Variants in SLC25A46 observed in about 807,000 individuals in gnomAD.
The protein encoded by SLC25A46 is solute carrier family 25 member 46.
A neutral mutation model predicts 44.6 loss-of-function variants in SLC25A46; 39 were observed. That is an observed-to-expected ratio of 0.87 (90% CI 0.68 to 1.14). The LOEUF (loss-of-function observed/expected upper bound fraction) is 1.14. Among genes scored for constraint, SLC25A46 ranks in the 50% most tolerant of loss-of-function variants. The pLI is 0.00. For synonymous variants in SLC25A46, 202 were observed against 185.8 expected, an observed-to-expected ratio of 1.09 and a Z score of -0.71; for missense variants, 547 against 522.7, an observed-to-expected ratio of 1.05 and a Z score of -0.45.
intron 5 of SLC25A46, chr5:110,755,178 T>A (rs1800076235): frequency 4.6e-6 from 1 of 217,474 alleles, no homozygotes; most frequent in Non-Finnish European, 9.0e-6. Flanking sequence ...ATCATCTTAA[T>A]TTTCTTCCTT....
At chr5:110,748,019 A>G (rs1314218841) in intron 4 of SLC25A46, 144 bp from the exon 5 acceptor site, 3 of 575,394 alleles carry the variant, frequency 5.2e-6, no homozygotes, top group Non-Finnish European at 9.2e-6. Context: ...AAAATGATAT[A>G]AAATTAATTG....
In SLC25A46 at chr5:110,745,592, ATTTGTTAGCTG is replaced by A. The variant is rs1291919998; in HGVS notation, c.385-674_385-664del. The A allele has an allele frequency of 2.0e-5, 3 of 152,252 alleles. No homozygotes were observed. In the East Asian group the frequency reaches 5.8e-4, roughly 29 times the overall value. The allele number at this position is 152,252 out of a possible 1,614,324, so 9.4% of individuals were successfully genotyped here. A position where few individuals can be genotyped will look rare whatever the true frequency, so the allele number is the denominator to read the frequency against. On this transcript the variant is annotated intron_variant, in intron 3 of 7. Coordinates refer to ENST00000355943, the MANE Select transcript of SLC25A46 (RefSeq NM_138773.4). ...TTCTCTGTAAAGTAATGCTTCCTGTATTTGTTAGCTGTTAGAGTTCAAAACAGTATAAATCA... is the reference window on the plus strand; with the variant it reads ...TTCTCTGTAAAGTAATGCTTCCTGTATTAGAGTTCAAAACAGTATAAATCA...
At position 110,761,292 on chromosome 5, in the gene SLC25A46, A is replaced by G. The variant is rs141213807; in HGVS notation, c.767A>G (p.Lys256Arg). Residue 256 changes from lysine (K) to arginine (R), a missense_variant, in exon 8 of 8, where the codon AAA becomes AGA. Lys to Arg is a conservative substitution (Grantham distance 26, BLOSUM62 2). Coordinates refer to ENST00000355943, the MANE Select transcript of SLC25A46 (RefSeq NM_138773.4). The surrounding 1 kb of genome is among the most constrained non-coding windows in gnomAD (Gnocchi z 5.3). ...ATAGGCATGGGAGTGCCTCATAGCA[A>G]ACGACTTCTTCCGCTTCTTTCCTTG... ...RVIGMGVPHSKRLLPLLSLIF... is the reference protein window; with the variant it reads ...RVIGMGVPHSRRLLPLLSLIF... 3,893 of 1,613,730 alleles carry G rather than the reference A, an allele frequency of 2.4e-3. 15 individuals are homozygous for G. The highest frequency in any genetic ancestry group is 5.9e-3 in the Middle Eastern group (36 of 6,058).
At chr5:110,759,659 G>T (rs1800199065) in intron 7 of SLC25A46, among the ~76,000 whole-genome samples, 1 of 152,126 alleles carries the variant, frequency 6.6e-6, no homozygotes, top group Admixed American at 6.6e-5. Context: ...AGATTACATA[G>T]GACATTGTAA....
chr5:110,747,987 T>C (rs1490378733), intron 4 of SLC25A46, among the ~76,000 whole-genome samples, 176 bp from the exon 5 acceptor site: 3 of 152,210 alleles, frequency 2.0e-5, no homozygotes, highest in Non-Finnish European at 2.9e-5. Flanking sequence ...AGGAATGTTC[T>C]TCTTGGCCTA....
chr5:110,747,732 T>C (rs1480589015), intron 4 of SLC25A46, among the ~76,000 whole-genome samples: 2 of 152,062 alleles, frequency 1.3e-5, no homozygotes, highest in African/African-American at 4.8e-5. Context: ...AAGAGTGAGA[T>C]AAAAATGTTT....
intron 7 of SLC25A46, among the ~76,000 whole-genome samples, chr5:110,757,958 T>C (rs1231802820): frequency 2.0e-5 from 3 of 152,182 alleles, no homozygotes; most frequent in African/African-American, 7.2e-5. Context: ...TTGTGAATAG[T>C]ATTTTAATAA....
Position 110,739,263 on chromosome 5 carries a change from T to A in SLC25A46, c.144T>A (p.Asp48Glu). 1 of 1,582,900 alleles carries A rather than the reference T, an allele frequency of 6.3e-7. No individual in the cohort carries two copies. Among genetic ancestry groups the A allele is most frequent in the Middle Eastern group, 1.7e-4 (1 of 6,030 alleles). ...DLGHWVTTPP[D>E]IPGSRNLHWG... The stretch of plus-strand genomic sequence containing the variant: ...GCCACTGGGTGACGACTCCCCCAGA[T>A]ATCCCCGGCAGCCGCAACCTGCACT... The change falls in exon 1 of 8, where the codon GAT becomes GAA. Residue 48 changes from aspartate to glutamate, a missense_variant. By Grantham distance (45) the Asp-to-Glu change is conservative. Coordinates refer to ENST00000355943, the MANE Select transcript of SLC25A46 (RefSeq NM_138773.4).
At chr5:110,738,737 C>A, upstream of SLC25A46, 1 of 264,328 alleles carries the variant, frequency 3.8e-6, no homozygotes, top group Non-Finnish European at 7.2e-6. Flanking sequence ...AGGCTCCACC[C>A]GCGGGTTATC....
intron 1 of SLC25A46, chr5:110,741,825 G>T: frequency 2.5e-6 from 1 of 395,594 alleles, no homozygotes; most frequent in Non-Finnish European, 4.5e-6. Flanking sequence ...GCGTAATTGT[G>T]CTTTAAACAC....
At chr5:110,760,156 C>G (rs538952502) in intron 7 of SLC25A46, among the ~76,000 whole-genome samples, 2 of 152,228 alleles carry the variant, frequency 1.3e-5, no homozygotes, top group African/African-American at 4.8e-5. Context: ...GCTATTCCCC[C>G]AGTTCCTCTG....
intron 1 of SLC25A46, among the ~76,000 whole-genome samples, 194 bp downstream of exon 1, chr5:110,739,596 G>T (rs1009458578): frequency 6.6e-6 from 1 of 152,176 alleles, no homozygotes; most frequent in Non-Finnish European, 1.5e-5. Context: ...AATTCTCCTG[G>T]ATCAACTCCA....
At chr5:110,739,491 C>A (rs1165853530) in intron 1 of SLC25A46, 89 bp downstream of exon 1, 1 of 1,465,766 alleles carries the variant, frequency 6.8e-7, no homozygotes, top group Non-Finnish European at 9.0e-7. Context: ...GCAGAGGATC[C>A]CGCCTCCTAT....
In SLC25A46 at chr5:110,762,091, T is replaced by G. The variant is rs1580871520; in HGVS notation, c.*309T>G. On this transcript the variant is annotated 3_prime_UTR_variant, in exon 8 of 8. Transcript: ENST00000355943. ...TTTATTATAAAATCTAAAACAAAACTTTATAGAGTTGAATCTATTCCATCT... is the reference window on the plus strand; with the variant it reads ...TTTATTATAAAATCTAAAACAAAACGTTATAGAGTTGAATCTATTCCATCT... 1 of 246,684 alleles carries G rather than the reference T, an allele frequency of 4.1e-6. No homozygotes were observed. The highest frequency in any genetic ancestry group is 2.3e-5 in the African/African-American group (1 of 43,520). The allele number at this position is 246,684 out of a possible 1,614,324, so 15.3% of individuals were successfully genotyped here.
rs542390472 is a variant in SLC25A46 at position 110,753,081 on chromosome 5, A to G, written c.564-2384A>G. 7.9e-5 allele frequency among the ~76,000 whole-genome samples: 12 copies of G among 152,256 alleles called. No individual in the cohort carries two copies. In the South Asian group the frequency reaches 2.5e-3, roughly 32 times the overall value. On this transcript the variant is annotated intron_variant, in intron 5 of 7. Coordinates refer to ENST00000355943, the MANE Select transcript of SLC25A46 (RefSeq NM_138773.4). Reference sequence around the variant, plus strand: ...AGGCTCTGATGGCTGCTGAAATGTCAAATAAGGTAGAGACTTAAAAATGTC... The same window carrying G: ...AGGCTCTGATGGCTGCTGAAATGTCGAATAAGGTAGAGACTTAAAAATGTC...
intron 5 of SLC25A46, among the ~76,000 whole-genome samples, chr5:110,750,103 A>C (rs771758663): frequency 6.6e-6 from 1 of 152,136 alleles, no homozygotes; most frequent in Non-Finnish European, 1.5e-5. Context: ...AAATGAAAGC[A>C]AGAGAAACTG....
At chr5:110,743,408 G>A (rs112567507) in intron 2 of SLC25A46, among the ~76,000 whole-genome samples, 1 of 152,032 alleles carries the variant, frequency 6.6e-6, no homozygotes, top group Non-Finnish European at 1.5e-5. Flanking sequence ...CCATTTAATT[G>A]ATGTGCCATT....
chr5:110,759,971 G>A (rs559733081), intron 7 of SLC25A46, among the ~76,000 whole-genome samples: 2 of 152,174 alleles, frequency 1.3e-5, no homozygotes, highest in South Asian at 2.1e-4. Flanking sequence ...TCATAAATTC[G>A]AAAAATCTTA....
At chr5:110,742,931 A>G (rs1799725805) in intron 2 of SLC25A46, among the ~76,000 whole-genome samples, 2 of 152,110 alleles carry the variant, frequency 1.3e-5, no homozygotes, top group African/African-American at 2.4e-5. Context: ...CATAATGATC[A>G]TTATTTTAAA....
Sources: allele counts gnomAD v4.1 joint callset (sites outside exome capture counted in the v4.1 genomes callset), GRCh38; gene constraint gnomAD v4.1.1; non-coding constraint Gnocchi (gnomAD v3.1); transcripts MANE v1.5; gene names NCBI Gene and HGNC (gene_info 2026-07-23, HGNC 2026-07-21).